The following LRP1 variants were observed in gnomAD, a reference collection of about 807,000 sequenced individuals.
LRP1 encodes LDL receptor related protein 1.
Under a neutral mutation model 541.5 loss-of-function variants are expected in LRP1, and 51 were observed. The ratio of observed to expected loss-of-function variants is 0.09; its 90% CI spans 0.08 to 0.12. LRP1 has a LOEUF of 0.12. Ranked by LOEUF, LRP1 falls within the 10% of genes least tolerant of loss-of-function variation. The probability of loss-of-function intolerance (pLI) is 1.00; values close to 1 mark genes in which losing one functional copy is unlikely to be tolerated. For missense variants in LRP1, 3,878 were observed against 6,376.2 expected (o/e 0.61, Z 13.34); for synonymous variants, 2,219 against 2,470.8 (o/e 0.90, Z 3.02).
chr12:57,153,274 G>A (rs144973817), intron 6 of LRP1, among the ~76,000 whole-genome samples: 157 of 152,226 alleles, frequency 1.0e-3, no homozygotes, highest in African/African-American at 3.7e-3. Context: ...AGGCCAGCAT[G>A]TGTCCCTGTC....
chr12:57,203,053 C>T, intron 68 of LRP1, 128 bp from the exon 69 acceptor site: 1 of 706,200 alleles, frequency 1.4e-6, no homozygotes, highest in Non-Finnish European at 2.3e-6. Flanking sequence ...ACTGGCTCGG[C>T]CTCTGGGTCA....
At position 57,201,207 on chromosome 12, in the gene LRP1, G is replaced by A; in HGVS notation, c.10345+54G>A. The A allele has an allele frequency of 6.2e-7, 1 of 1,608,102 alleles. No individual in the cohort carries two copies. The highest frequency in any genetic ancestry group is 8.5e-7 in the Non-Finnish European group (1 of 1,175,508). On this transcript the variant is annotated intron_variant, in intron 65 of 88. Transcript: ENST00000243077. This position sits in a 1 kb window ranked among gnomAD's most constrained non-coding sequence, Gnocchi z 6.4. ...TGGTGGGAGATGACACGGAAGCAGG[G>A]CAGGCAGAATCTCCCCACAGCTTTG...
chr12:57,134,643 C>A (rs919212846), intron 1 of LRP1, among the ~76,000 whole-genome samples: 4 of 152,112 alleles, frequency 2.6e-5, no homozygotes, highest in Non-Finnish European at 5.9e-5. Context: ...TCCGCCTCCA[C>A]CTCCCAAAGT....
chr12:57,190,347 A>G (rs1405173856), intron 42 of LRP1, among the ~76,000 whole-genome samples: 1 of 152,224 alleles, frequency 6.6e-6, no homozygotes, highest in Non-Finnish European at 1.5e-5. Context: ...ATCTGTCCTT[A>G]AGATGGAGAT....
intron 58 of LRP1, 83 bp from the exon 59 acceptor site, chr12:57,198,073 C>T (rs1304148721): frequency 1.1e-5 from 14 of 1,225,806 alleles, no homozygotes; most frequent in East Asian, 2.4e-5. Context: ...CCATTTTACA[C>T]GAGGGGAGGC....
Position 57,183,632 on chromosome 12 carries a change from G to A in LRP1, c.5794+122G>A. ...GGCCTGAGGTGGGGCACTTGCTACA[G>A]CTGCCACCCTGACTCCACCTCCCCT... On this transcript the variant is annotated intron_variant, in intron 35 of 88. Coordinates refer to ENST00000243077, the MANE Select transcript of LRP1 (RefSeq NM_002332.3). This position sits in a 1 kb window ranked among gnomAD's most constrained non-coding sequence, Gnocchi z 6.1. The A allele has an allele frequency of 4.0e-6, 6 of 1,483,022 alleles. No homozygotes were observed. Among genetic ancestry groups the A allele is most frequent in the Non-Finnish European group, 5.5e-6 (6 of 1,098,876 alleles). 91.9% of individuals were successfully genotyped at this position (1,483,022 alleles called of 1,614,324 possible).
chr12:57,149,515 A>C (rs1212076134), intron 6 of LRP1: 1 of 627,812 alleles, frequency 1.6e-6, no homozygotes, highest in Non-Finnish European at 2.9e-6. Context: ...TAAGCAAGAG[A>C]GATGTGTTTT....
Position 57,193,618 on chromosome 12 carries a change from G to A in LRP1, c.7737G>A (p.Val2579=), listed in dbSNP as rs369790955. ...TFRQCSNGRC[V]SNMLWCNGAD... ...GGCAGTGCAGCAATGGGCGCTGTGT[G>A]TCCAACATGCTGTGGTGCAACGGGG... The change falls in exon 47 of 89, where the codon GTG becomes GTA. Residue 2579 remains valine (V), a synonymous_variant. Transcript: ENST00000243077. 3.7e-6 allele frequency: 6 copies of A among 1,614,192 alleles called. No homozygotes were observed. Among genetic ancestry groups the A allele is most frequent in the Non-Finnish European group, 5.1e-6 (6 of 1,180,032 alleles).
At position 57,212,833 on chromosome 12, in the gene LRP1, G is replaced by A. The variant is rs1453624833; in HGVS notation, c.*278G>A. The A allele has an allele frequency of 1.0e-5, 4 of 386,326 alleles. No homozygotes were observed. Among genetic ancestry groups the A allele is most frequent in the Admixed American group, 8.7e-5 (2 of 23,018 alleles). The allele number at this position is 386,326 out of a possible 1,614,324, so 23.9% of individuals were successfully genotyped here. A position where few individuals can be genotyped will look rare whatever the true frequency, so the allele number is the denominator to read the frequency against. The stretch of plus-strand genomic sequence containing the variant: ...GCACCTCCTACCCTCCCACCAGAAC[G>A]CACCCCACTGGGAGAGCTGGTGGTG... On this transcript the variant is annotated 3_prime_UTR_variant, in exon 89 of 89. Transcript: ENST00000243077. This position sits in a 1 kb window ranked among gnomAD's most constrained non-coding sequence, Gnocchi z 5.0.
At chr12:57,144,321 T>C (rs1295612048) in intron 4 of LRP1, among the ~76,000 whole-genome samples, 1 of 152,218 alleles carries the variant, frequency 6.6e-6, no homozygotes, top group African/African-American at 2.4e-5. Flanking sequence ...TGTGTTAATA[T>C]GTAAAGATCT....
intron 2 of LRP1, among the ~76,000 whole-genome samples, chr12:57,140,785 T>C (rs2136658122): frequency 6.6e-6 from 1 of 152,208 alleles, no homozygotes; most frequent in Non-Finnish European, 1.5e-5. Flanking sequence ...CACGCTGGAG[T>C]GCAGTGGTGC....
chr12:57,178,767 A>G lies in LRP1; in HGVS notation c.4607-123A>G, dbSNP rs1412485616. 6.7e-6 allele frequency: 10 copies of G among 1,496,592 alleles called. No homozygotes were observed. The highest frequency in any genetic ancestry group is 7.2e-6 in the Non-Finnish European group (8 of 1,108,424). 92.7% of individuals were successfully genotyped at this position (1,496,592 alleles called of 1,614,324 possible). A position where few individuals can be genotyped will look rare whatever the true frequency, so the allele number is the denominator to read the frequency against. On this transcript the variant is annotated intron_variant, in intron 27 of 88. Coordinates refer to ENST00000243077, the MANE Select transcript of LRP1 (RefSeq NM_002332.3). This position sits in a 1 kb window ranked among gnomAD's most constrained non-coding sequence, Gnocchi z 5.8. ...CAGAGGCACTGTCTAGCAGCAGAGA[A>G]GGGTCTAGTAGTAGCGGCTGCTGGA...
At chr12:57,145,708 T>C (rs952549924) in intron 6 of LRP1, among the ~76,000 whole-genome samples, 1 of 152,120 alleles carries the variant, frequency 6.6e-6, no homozygotes, top group Non-Finnish European at 1.5e-5. Flanking sequence ...GGCCCCTGCA[T>C]TTCTGGCCAA....
At chr12:57,129,183 G>A (rs915151458) in intron 1 of LRP1, 152 bp downstream of exon 1, 2 of 796,704 alleles carry the variant, frequency 2.5e-6, no homozygotes, top group Non-Finnish European at 4.0e-6. Flanking sequence ...TGGGGGCGGG[G>A]ATGGGGTCCG....
At chr12:57,145,198 G>A (rs1376784615) in intron 5 of LRP1, 29 bp from the exon 6 acceptor site, 5 of 1,613,784 alleles carry the variant, frequency 3.1e-6, no homozygotes, top group East Asian at 2.2e-5. Context: ...AGCCCTGGCT[G>A]CACGGACTCT....
intron 22 of LRP1, among the ~76,000 whole-genome samples, chr12:57,174,231 T>C (rs985130409): frequency 2.6e-5 from 4 of 152,188 alleles, no homozygotes; most frequent in African/African-American, 9.7e-5. Context: ...TTTTCTCCGT[T>C]TGACAGATGG....
At position 57,158,266 on chromosome 12, in the gene LRP1, C is replaced by G; in HGVS notation, c.1562-136C>G. The G allele has an allele frequency of 1.4e-6, 1 of 730,174 alleles. No homozygotes were observed. The highest frequency in any genetic ancestry group is 2.3e-6 in the Non-Finnish European group (1 of 427,998). 45.2% of individuals were successfully genotyped at this position (730,174 alleles called of 1,614,324 possible). A position where few individuals can be genotyped will look rare whatever the true frequency, so the allele number is the denominator to read the frequency against. On this transcript the variant is annotated intron_variant, in intron 10 of 88. Coordinates refer to ENST00000243077, the MANE Select transcript of LRP1 (RefSeq NM_002332.3). This position sits in a 1 kb window ranked among gnomAD's most constrained non-coding sequence, Gnocchi z 5.3. Reference sequence around the variant, plus strand: ...GTTAGCGTGTGCGTGGTCTGTCCATCTGACCCAGAGCCTCGCATCCCTAAC... The same window carrying G: ...GTTAGCGTGTGCGTGGTCTGTCCATGTGACCCAGAGCCTCGCATCCCTAAC...
At chr12:57,199,467 C>A in intron 61 of LRP1, 67 bp downstream of exon 61, 1 of 1,510,342 alleles carries the variant, frequency 6.6e-7, no homozygotes, top group Non-Finnish European at 9.0e-7. Flanking sequence ...GGAGTTCCTG[C>A]TCATCCCTTC....
intron 76 of LRP1, among the ~76,000 whole-genome samples, chr12:57,207,635 G>A (rs1047780418): frequency 6.6e-6 from 1 of 152,210 alleles, no homozygotes; most frequent in African/African-American, 2.4e-5. Context: ...CATGGCCAGC[G>A]GGAAGACAGA....
Sources: allele counts gnomAD v4.1 joint callset (sites outside exome capture counted in the v4.1 genomes callset), GRCh38; gene constraint gnomAD v4.1.1; non-coding constraint Gnocchi (gnomAD v3.1); transcripts MANE v1.5; gene names NCBI Gene and HGNC (gene_info 2026-07-23, HGNC 2026-07-21).